Variants in PRKD1 observed in about 807,000 individuals in gnomAD.
PRKD1 encodes protein kinase D1.
PRKD1 carries 63 observed loss-of-function variants against 95.9 expected under a neutral mutation model. The observed-to-expected ratio is 0.66, with a 90% CI of 0.54 to 0.81. PRKD1 has a LOEUF of 0.81. PRKD1 is among the 30% of genes least tolerant of loss of function. The pLI is 0.00. For synonymous variants in PRKD1, 425 were observed against 423.1 expected, an observed-to-expected ratio of 1.00 and a Z score of -0.05; for missense variants, 1,048 against 1,165.3, an observed-to-expected ratio of 0.90 and a Z score of 1.47.
At chr14:29,860,707 T>G (rs752726662) in intron 1 of PRKD1, among the ~76,000 whole-genome samples, 2 of 152,238 alleles carry the variant, frequency 1.3e-5, no homozygotes, top group Non-Finnish European at 2.9e-5. Context: ...TATTTAAACA[T>G]GTACAATTTA....
chr14:29,766,226 G>T (rs1312623254), intron 1 of PRKD1, among the ~76,000 whole-genome samples: 1 of 152,054 alleles, frequency 6.6e-6, no homozygotes, highest in Non-Finnish European at 1.5e-5. Context: ...TATCATATTG[G>T]TTCTTACTAT....
At chr14:29,622,620 C>A (rs1879351706) in intron 13 of PRKD1, among the ~76,000 whole-genome samples, 5 of 152,072 alleles carry the variant, frequency 3.3e-5, no homozygotes, top group Admixed American at 2.0e-4. Flanking sequence ...CCAGGCTGGT[C>A]TCAAACTCCC....
intron 1 of PRKD1, among the ~76,000 whole-genome samples, chr14:29,905,848 G>A (rs777272371): frequency 1.4e-4 from 22 of 152,130 alleles, no homozygotes; most frequent in Non-Finnish European, 2.9e-4. Flanking sequence ...GGGCAACAAG[G>A]CTCCAGAAAA....
chr14:29,841,804 A>G (rs144125006), intron 1 of PRKD1, among the ~76,000 whole-genome samples: 1 of 151,972 alleles, frequency 6.6e-6, no homozygotes, highest in South Asian at 2.1e-4. Flanking sequence ...TTACTTTTTA[A>G]ATTTTTTAAT....
chr14:29,733,073 TTTTC>T (rs1369648342), intron 1 of PRKD1, among the ~76,000 whole-genome samples: 1 of 148,964 alleles, frequency 6.7e-6, no homozygotes, highest in Non-Finnish European at 1.5e-5. Context: ...TGATATTTTC[TTTTC>T]TTTTTTTATT....
At chr14:29,615,864 GGA>G (rs951105670) in intron 13 of PRKD1, among the ~76,000 whole-genome samples, 9 of 152,090 alleles carry the variant, frequency 5.9e-5, no homozygotes, top group African/African-American at 2.2e-4. Context: ...ATACACAAAG[GGA>G]GAGAGTATCT....
At chr14:29,756,416 C>T (rs1280757783) in intron 1 of PRKD1, among the ~76,000 whole-genome samples, 2 of 152,082 alleles carry the variant, frequency 1.3e-5, no homozygotes, top group Non-Finnish European at 2.9e-5. Context: ...TTTGTGTGTG[C>T]ATGTGTGTGT....
chr14:29,632,150 C>T (rs1239968028), intron 9 of PRKD1, among the ~76,000 whole-genome samples: 1 of 152,156 alleles, frequency 6.6e-6, no homozygotes, highest in Non-Finnish European at 1.5e-5. Flanking sequence ...GAAATCACTA[C>T]TGCATCTTCC....
intron 16 of PRKD1, among the ~76,000 whole-genome samples, chr14:29,589,226 A>G (rs992736329): frequency 6.6e-6 from 1 of 152,172 alleles, no homozygotes; most frequent in African/African-American, 2.4e-5. Flanking sequence ...GACGCTAACA[A>G]ATGCTTTCCA....
intron 1 of PRKD1, among the ~76,000 whole-genome samples, chr14:29,761,999 G>C (rs548107900): frequency 6.6e-6 from 1 of 151,864 alleles, no homozygotes; most frequent in African/African-American, 2.4e-5. Context: ...CTTGAACTTT[G>C]AGGCTCAAAT....
At chr14:29,764,275 T>C (rs1214555809) in intron 1 of PRKD1, among the ~76,000 whole-genome samples, 1 of 151,364 alleles carries the variant, frequency 6.6e-6, no homozygotes, top group Non-Finnish European at 1.5e-5. Flanking sequence ...CTTTCTCCAC[T>C]GGAAAAAAAA....
chr14:29,660,210 G>A (rs917922389), intron 4 of PRKD1, among the ~76,000 whole-genome samples: 1 of 152,082 alleles, frequency 6.6e-6, no homozygotes, highest in African/African-American at 2.4e-5. Flanking sequence ...TAAATCAGCT[G>A]GTCTGTGTAT....
At chr14:29,729,929 T>C (rs1340405572) in intron 1 of PRKD1, among the ~76,000 whole-genome samples, 1 of 151,932 alleles carries the variant, frequency 6.6e-6, no homozygotes, top group Non-Finnish European at 1.5e-5. Flanking sequence ...CCTAAAACTA[T>C]AAAATTACTA....
At chr14:29,824,739 C>T (rs1891044709) in intron 1 of PRKD1, among the ~76,000 whole-genome samples, 1 of 152,138 alleles carries the variant, frequency 6.6e-6, no homozygotes, top group Non-Finnish European at 1.5e-5. Flanking sequence ...ACATTCTTTA[C>T]TGCTTACCAG....
chr14:29,775,598 A>G lies in PRKD1; in HGVS notation c.265-49924T>C, dbSNP rs1003334757. Reference sequence around the variant, plus strand: ...TGCAAGGCTGCAGCAAGTCTTGGGGAGGGGCATCCACCATTGCTGAGGCTT... The same window carrying G: ...TGCAAGGCTGCAGCAAGTCTTGGGGGGGGGCATCCACCATTGCTGAGGCTT... On this transcript the variant is annotated intron_variant, in intron 1 of 17. Transcript: ENST00000331968. Among the ~76,000 whole-genome samples the G allele has an allele frequency of 3.9e-5, 6 of 152,120 alleles. 1 individual carries two copies. The highest frequency in any genetic ancestry group is 1.4e-4 in the African/African-American group (6 of 41,420).
intron 3 of PRKD1, among the ~76,000 whole-genome samples, chr14:29,664,886 C>T (rs1279919531): frequency 3.3e-5 from 5 of 152,170 alleles, no homozygotes; most frequent in East Asian, 1.9e-4. Context: ...TGAACTTAGA[C>T]GGTTTAATTT....
At chr14:29,635,220 T>A (rs1040705094) in intron 7 of PRKD1, among the ~76,000 whole-genome samples, 1 of 152,150 alleles carries the variant, frequency 6.6e-6, no homozygotes, top group Non-Finnish European at 1.5e-5. Context: ...TTATCAATCA[T>A]TTAGAGATTA....
intron 1 of PRKD1, among the ~76,000 whole-genome samples, chr14:29,761,112 T>G (rs1448933457): frequency 6.6e-6 from 1 of 152,182 alleles, no homozygotes; most frequent in African/African-American, 2.4e-5. Flanking sequence ...AGCTAATTTT[T>G]CACTTTTAAT....
At chr14:29,720,779 C>CAAAA (rs199687649) in intron 2 of PRKD1, among the ~76,000 whole-genome samples, 4 of 146,874 alleles carry the variant, frequency 2.7e-5, no homozygotes, top group African/African-American at 1.0e-4. Flanking sequence ...GATTCTGTCT[C>CAAAA]AAAAAAAATA....
Sources: gnomAD v4.1 joint callset for allele counts (sites outside exome capture counted in the v4.1 genomes callset) on GRCh38, gnomAD v4.1.1 for gene constraint, MANE v1.5 for transcripts, NCBI Gene and HGNC (gene_info 2026-07-23, HGNC 2026-07-21) for gene names.